The following SLIT1 variants were observed in gnomAD, a reference collection of about 807,000 sequenced individuals.
SLIT1 encodes the protein slit homolog 1 protein.
A neutral mutation model predicts 186.1 loss-of-function variants in SLIT1; 66 were observed. The observed-to-expected ratio is 0.35, with a 90% CI of 0.29 to 0.44. The LOEUF (loss-of-function observed/expected upper bound fraction) is 0.44, where lower values mean the gene tolerates loss of function less well. SLIT1 is among the 20% of genes least tolerant of loss of function. The probability of loss-of-function intolerance (pLI) is 1.00; values close to 1 mark genes in which losing one functional copy is unlikely to be tolerated. For synonymous variants in SLIT1, 761 were observed against 833.8 expected, an observed-to-expected ratio of 0.91 and a Z score of 1.50; for missense variants, 1,638 against 2,037.4, an observed-to-expected ratio of 0.80 and a Z score of 3.77.
At position 97,164,393 on chromosome 10, in the gene SLIT1, G is replaced by A. The variant is rs904313790; in HGVS notation, c.269+426C>T. On this transcript the variant is annotated intron_variant, in intron 2 of 36. Coordinates refer to ENST00000266058, the MANE Select transcript of SLIT1 (RefSeq NM_003061.3). ...GGGGGCAGAGGGGAGGGGAATCCTGGGAGAGAGCATGGGCCTCCCCAGACT... is the reference window on the plus strand; with the variant it reads ...GGGGGCAGAGGGGAGGGGAATCCTGAGAGAGAGCATGGGCCTCCCCAGACT... Among the ~76,000 whole-genome samples the A allele has an allele frequency of 2.6e-5, 4 of 152,174 alleles. No individual in the cohort carries two copies. In the East Asian group the frequency reaches 5.8e-4, roughly 22 times the overall value.
At chr10:97,174,408 A>G (rs979531442) in intron 1 of SLIT1, among the ~76,000 whole-genome samples, 11 of 152,226 alleles carry the variant, frequency 7.2e-5, no homozygotes, top group Non-Finnish European at 1.5e-4. Flanking sequence ...GGCCTTCCCC[A>G]CATCCTCAGG....
chr10:97,049,618 G>A (rs1848769626), intron 13 of SLIT1, among the ~76,000 whole-genome samples: 1 of 152,154 alleles, frequency 6.6e-6, no homozygotes, highest in African/African-American at 2.4e-5. Flanking sequence ...TTCAGACTCA[G>A]GTAGCAGCCT....
At chr10:97,088,121 AT>A (rs1366773576) in intron 4 of SLIT1, among the ~76,000 whole-genome samples, 4 of 152,108 alleles carry the variant, frequency 2.6e-5, no homozygotes, top group African/African-American at 9.7e-5. Context: ...CACCCCAGAG[AT>A]TCTGATTTTA....
chr10:97,167,409 C>T (rs1271578263), intron 1 of SLIT1, among the ~76,000 whole-genome samples: 1 of 152,148 alleles, frequency 6.6e-6, no homozygotes, highest in African/African-American at 2.4e-5. Context: ...CCTAAAACCA[C>T]AAGGCACTTT....
intron 4 of SLIT1, among the ~76,000 whole-genome samples, chr10:97,094,386 G>C (rs1349011267): frequency 6.6e-6 from 1 of 152,210 alleles, no homozygotes; most frequent in Non-Finnish European, 1.5e-5. Flanking sequence ...CCCTTGGGCA[G>C]TGCACATCCT....
intron 4 of SLIT1, among the ~76,000 whole-genome samples, chr10:97,134,266 G>A (rs553173323): frequency 2.6e-5 from 4 of 152,256 alleles, no homozygotes; most frequent in Admixed American, 6.5e-5. Context: ...CCACAGTTGC[G>A]TGACAAATGA....
intron 1 of SLIT1, among the ~76,000 whole-genome samples, chr10:97,175,346 T>C (rs1471177517): frequency 6.6e-6 from 1 of 152,238 alleles, no homozygotes; most frequent in Non-Finnish European, 1.5e-5. Context: ...ATAATGCCAC[T>C]TTGAACATAG....
intron 4 of SLIT1, among the ~76,000 whole-genome samples, chr10:97,143,091 A>C (rs763133304): frequency 2.0e-5 from 3 of 152,262 alleles, no homozygotes; most frequent in Non-Finnish European, 2.9e-5. Context: ...CAAAAAATTA[A>C]AAATAGAACT....
At chr10:97,060,581 C>T (rs574051569) in intron 9 of SLIT1, 59 bp downstream of exon 9, 2 of 1,603,430 alleles carry the variant, frequency 1.2e-6, no homozygotes, top group South Asian at 1.1e-5. Context: ...TTCACTGGCC[C>T]TCCAGAGCCA....
Position 97,019,083 on chromosome 10 carries a change from G to C in SLIT1, c.2771C>G (p.Ala924Gly). 1.2e-6 allele frequency: 2 copies of C among 1,613,816 alleles called. No individual in the cohort carries two copies. The highest frequency in any genetic ancestry group is 2.2e-5 in the South Asian group (2 of 91,042). Reference sequence around the variant, plus strand: ...ACTGGACAAGCAGAGATCACACTTGGCCTGGACAGCCAGCGTTGGAGGACC... The same window carrying C: ...ACTGGACAAGCAGAGATCACACTTGCCCTGGACAGCCAGCGTTGGAGGACC... ...CQGPPTLAVQ[A>G]KCDLCLSSPC... is the part of the protein sequence containing the mutation. The change falls in exon 27 of 37, where the codon GCC (alanine) becomes GGC (glycine). Residue 924 changes from alanine (A) to glycine (G), a missense_variant. Physicochemically the swap from Ala to Gly is moderately conservative, Grantham distance 60. Transcript: ENST00000266058.
chr10:97,141,852 G>A (rs1341525517), intron 4 of SLIT1, among the ~76,000 whole-genome samples: 2 of 152,092 alleles, frequency 1.3e-5, no homozygotes, highest in Non-Finnish European at 2.9e-5. Flanking sequence ...AAATGCAGTG[G>A]CATGCTCATG....
chr10:97,150,477 C>T (rs1399052833), intron 4 of SLIT1, among the ~76,000 whole-genome samples: 2 of 152,120 alleles, frequency 1.3e-5, no homozygotes, highest in Admixed American at 1.3e-4. Context: ...CTGTGAATCT[C>T]ATATCCACGC....
intron 20 of SLIT1, 93 bp downstream of exon 20, chr10:97,042,808 G>T: frequency 7.3e-7 from 1 of 1,369,952 alleles, no homozygotes. Flanking sequence ...GCCAGGGGGT[G>T]CTGCCTGTCC....
intron 11 of SLIT1, chr10:97,057,901 G>A: frequency 1.4e-6 from 1 of 693,026 alleles, no homozygotes; most frequent in Admixed American, 2.0e-5. Context: ...GTTTGGGGAG[G>A]GGGGTTGTAT....
At position 97,002,310 on chromosome 10, in the gene SLIT1, T is replaced by G; in HGVS notation, c.4214A>C (p.Asp1405Ala). ...DALSYSCQCQDGYSGALCNQA... is the reference protein window; with the variant it reads ...DALSYSCQCQAGYSGALCNQA... ...GTTGCACAGTGCCCCCGAGTACCCA[T>G]CCTGGCACTGGCAGCTGTAGGAAAG... is the stretch of plus-strand genomic sequence containing the variant. The change falls in exon 36 of 37, where the codon GAT (aspartate) becomes GCT (alanine). Residue 1405 changes from aspartate (D) to alanine (A), a missense_variant. Coordinates refer to ENST00000266058, the MANE Select transcript of SLIT1 (RefSeq NM_003061.3). 3 of 1,611,696 alleles carry G rather than the reference T, an allele frequency of 1.9e-6. No individual in the cohort carries two copies. The highest frequency in any genetic ancestry group is 2.5e-6 in the Non-Finnish European group (3 of 1,179,480).
At chr10:97,158,060 T>C (rs537421771) in intron 3 of SLIT1, among the ~76,000 whole-genome samples, 171 bp from the exon 4 acceptor site, 2 of 152,300 alleles carry the variant, frequency 1.3e-5, no homozygotes, top group East Asian at 3.9e-4. Context: ...TCTTCATCTG[T>C]AAAGTGGAGA....
chr10:97,012,674 C>T (rs1848422146), intron 30 of SLIT1, among the ~76,000 whole-genome samples: 1 of 152,242 alleles, frequency 6.6e-6, no homozygotes, highest in African/African-American at 2.4e-5. Flanking sequence ...CACAGGAGTA[C>T]AGCGTCCGTC....
chr10:97,092,656 A>T (rs1849245651), intron 4 of SLIT1, among the ~76,000 whole-genome samples: 2 of 152,260 alleles, frequency 1.3e-5, no homozygotes, highest in Non-Finnish European at 2.9e-5. Flanking sequence ...GTTGCCAATT[A>T]TTCCAAGCTT....
At chr10:97,159,498 G>T (rs1849997838) in intron 3 of SLIT1, among the ~76,000 whole-genome samples, 1 of 152,132 alleles carries the variant, frequency 6.6e-6, no homozygotes, top group Non-Finnish European at 1.5e-5. Context: ...GTAACCACTG[G>T]TTTTGTTTTG....
Sources: gnomAD v4.1 joint callset for allele counts (sites outside exome capture counted in the v4.1 genomes callset) on GRCh38, gnomAD v4.1.1 for gene constraint, MANE v1.5 for transcripts, NCBI Gene and HGNC (gene_info 2026-07-23, HGNC 2026-07-21) for gene names.